The following RNF38 variants were observed in gnomAD, a reference collection of about 807,000 sequenced individuals.
RNF38 encodes E3 ubiquitin-protein ligase RNF38.
Under a neutral mutation model 67.2 loss-of-function variants are expected in RNF38, and 15 were observed. The observed-to-expected ratio is 0.22, with a 90% confidence interval of 0.15 to 0.34. The LOEUF (loss-of-function observed/expected upper bound fraction) is 0.34. RNF38 is among the 10% of genes least tolerant of loss of function. The pLI is 1.00. For missense variants in RNF38, 524 were observed against 639.9 expected, an observed-to-expected ratio of 0.82 and a Z score of 1.95; for synonymous variants, 220 against 218.8, an observed-to-expected ratio of 1.01 and a Z score of -0.05.
At chr9:36,401,914 C>T (rs186428310), upstream of RNF38, among the ~76,000 whole-genome samples, 211 of 152,310 alleles carry the variant, frequency 1.4e-3, no homozygotes, top group Non-Finnish European at 2.4e-3. Flanking sequence ...CTCTCTTTCC[C>T]TCTCTGGGCC....
intron 1 of RNF38, among the ~76,000 whole-genome samples, chr9:36,432,469 T>C (rs1838952921): frequency 6.6e-6 from 1 of 151,246 alleles, no homozygotes; most frequent in South Asian, 2.1e-4. Context: ...TAACTTCCCA[T>C]TTTACAAGGG....
intron 3 of RNF38, among the ~76,000 whole-genome samples, chr9:36,375,391 T>A (rs1247253962): frequency 1.3e-5 from 2 of 152,110 alleles, no homozygotes; most frequent in East Asian, 3.9e-4. Context: ...AGGGTCTTGC[T>A]ATGTTGCCCA....
At chr9:36,370,235 AAC>A (rs1252256323) in intron 3 of RNF38, among the ~76,000 whole-genome samples, 4 of 152,230 alleles carry the variant, frequency 2.6e-5, no homozygotes, top group African/African-American at 9.6e-5. Flanking sequence ...GTCTAATAGC[AAC>A]AATTTCATAT....
chr9:36,437,210 C>T (rs1002974633), intron 1 of RNF38, among the ~76,000 whole-genome samples: 1 of 152,174 alleles, frequency 6.6e-6, no homozygotes, highest in Non-Finnish European at 1.5e-5. Context: ...ATCAAAGATG[C>T]CCCTCCCCAA....
At chr9:36,411,157 CAA>C (rs199916194) in intron 2 of RNF38, among the ~76,000 whole-genome samples, 34 of 67,596 alleles carry the variant, frequency 5.0e-4, no homozygotes, top group Non-Finnish European at 7.9e-4. Context: ...AACTGAACAG[CAA>C]AAAAAAAAAA....
chr9:36,421,994 G>A (rs1450553312), intron 2 of RNF38, among the ~76,000 whole-genome samples: 2 of 152,172 alleles, frequency 1.3e-5, no homozygotes, highest in Non-Finnish European at 2.9e-5. Flanking sequence ...CACTTTGGGA[G>A]GCTGAGTTGG....
intron 3 of RNF38, among the ~76,000 whole-genome samples, chr9:36,374,764 G>A (rs1835662553): frequency 6.6e-6 from 1 of 152,186 alleles, no homozygotes; most frequent in Non-Finnish European, 1.5e-5. Flanking sequence ...TAACAGGCGT[G>A]AGCCACCCCG....
chr9:36,373,258 C>A (rs1033080138), intron 3 of RNF38, among the ~76,000 whole-genome samples: 1 of 151,966 alleles, frequency 6.6e-6, no homozygotes, highest in Non-Finnish European at 1.5e-5. Context: ...CAACAGCAGG[C>A]GGATACATAA....
intron 1 of RNF38, among the ~76,000 whole-genome samples, chr9:36,395,553 C>A (rs557000404): frequency 1.3e-5 from 2 of 152,284 alleles, no homozygotes; most frequent in East Asian, 3.9e-4. Flanking sequence ...CCTCTAGCTA[C>A]AAGTCTGGTT....
At chr9:36,450,258 C>T (rs1039140319) in intron 1 of RNF38, among the ~76,000 whole-genome samples, 1 of 150,612 alleles carries the variant, frequency 6.6e-6, no homozygotes, top group Non-Finnish European at 1.5e-5. Flanking sequence ...CCCACTCCCA[C>T]TTGACTTTTT....
intron 1 of RNF38, among the ~76,000 whole-genome samples, chr9:36,399,657 C>T (rs1292820900): frequency 6.6e-6 from 1 of 151,906 alleles, no homozygotes; most frequent in African/African-American, 2.4e-5. Context: ...CCTGATCTGA[C>T]ATCTATATGT....
At chr9:36,386,120 C>T (rs1836613202) in intron 2 of RNF38, among the ~76,000 whole-genome samples, 1 of 152,122 alleles carries the variant, frequency 6.6e-6, no homozygotes, top group Non-Finnish European at 1.5e-5. Flanking sequence ...TGTGTTTGGG[C>T]CTAACTACGA....
Position 36,457,698 on chromosome 9 carries a change from G to A in RNF38, n.241+29610C>T, listed in dbSNP as rs540810088. 3.3e-5 allele frequency among the ~76,000 whole-genome samples: 5 copies of A among 152,064 alleles called. No individual in the cohort carries two copies. In the East Asian group the frequency reaches 5.8e-4, roughly 18 times the overall value. On this transcript the variant is annotated intron_variant and non_coding_transcript_variant, in intron 1 of 3. Transcript: ENST00000488058. Reference sequence around the variant, plus strand: ...TGAGGCAGGTGGATCACTTGAGGTCGGGAGCTCAAGACCAGCCTGGCTAAC... The same window carrying A: ...TGAGGCAGGTGGATCACTTGAGGTCAGGAGCTCAAGACCAGCCTGGCTAAC...
intron 1 of RNF38, among the ~76,000 whole-genome samples, chr9:36,475,875 G>A (rs574185620): frequency 6.6e-6 from 1 of 150,974 alleles, no homozygotes; most frequent in South Asian, 2.1e-4. Flanking sequence ...AATTAGCTAG[G>A]CATGGTGGCT....
chr9:36,480,981 C>T (rs1840245219), intron 1 of RNF38, among the ~76,000 whole-genome samples: 1 of 151,628 alleles, frequency 6.6e-6, no homozygotes, highest in South Asian at 2.1e-4. Flanking sequence ...ACCACAAAAG[C>T]AGAAAATGCA....
intron 1 of RNF38, among the ~76,000 whole-genome samples, chr9:36,427,685 AT>A (rs1279615750): frequency 2.5e-3 from 377 of 148,842 alleles, no homozygotes; most frequent in African/African-American, 7.6e-3. Flanking sequence ...CTATCTATCT[AT>A]CTATCTATCT....
At chr9:36,395,822 T>TG (rs1164613622) in intron 1 of RNF38, among the ~76,000 whole-genome samples, 8 of 152,194 alleles carry the variant, frequency 5.3e-5, no homozygotes, top group Admixed American at 2.0e-4. Context: ...AACAAATACT[T>TG]GCTAAGTAAA....
chr9:36,471,131 G>A (rs1839988475), intron 1 of RNF38, among the ~76,000 whole-genome samples: 2 of 152,118 alleles, frequency 1.3e-5, no homozygotes, highest in African/African-American at 2.4e-5. Context: ...CTCCTACCAG[G>A]CTTCCGCCCC....
chr9:36,460,120 A>C (rs1839692449), intron 1 of RNF38, among the ~76,000 whole-genome samples: 1 of 152,158 alleles, frequency 6.6e-6, no homozygotes, highest in African/African-American at 2.4e-5. Context: ...AACTTTAAAA[A>C]CATTTTTCTT....
Sources: allele counts gnomAD v4.1 joint callset (sites outside exome capture counted in the v4.1 genomes callset), GRCh38; gene constraint gnomAD v4.1.1; transcripts MANE v1.5; gene names NCBI Gene and HGNC (gene_info 2026-07-23, HGNC 2026-07-21).